PHF21A: variants seen among roughly 807,000 people sequenced by gnomAD.
The protein encoded by PHF21A is PHD finger protein 21A.
PHF21A carries 11 observed loss-of-function variants against 82.5 expected under a neutral mutation model. The ratio of observed to expected loss-of-function variants is 0.13; its 90% CI spans 0.08 to 0.22. PHF21A has a LOEUF of 0.22. Among genes scored for constraint, PHF21A ranks in the 10% least tolerant of loss-of-function variants. The pLI, the probability that PHF21A is intolerant of heterozygous loss-of-function variation, is 1.00. For synonymous variants in PHF21A, 297 were observed against 302.8 expected (o/e 0.98, Z 0.20); for missense variants, 579 against 837.8 (o/e 0.69, Z 3.81).
chr11:46,043,723 C>T (rs1296243534), intron 6 of PHF21A, among the ~76,000 whole-genome samples: 1 of 152,064 alleles, frequency 6.6e-6, no homozygotes, highest in African/African-American at 2.4e-5. Flanking sequence ...AGTCAAGAAG[C>T]AAACATTCCA....
At chr11:46,116,053 T>A (rs1404080688) in intron 1 of PHF21A, among the ~76,000 whole-genome samples, 1 of 152,192 alleles carries the variant, frequency 6.6e-6, no homozygotes, top group Non-Finnish European at 1.5e-5. Context: ...TTTAAGATAC[T>A]ATACCTTTTG....
intron 10 of PHF21A, among the ~76,000 whole-genome samples, chr11:45,955,651 C>T (rs1020230249): frequency 6.6e-6 from 1 of 151,926 alleles, no homozygotes; most frequent in Non-Finnish European, 1.5e-5. Context: ...AGAAAAAGTA[C>T]AATTATCTCA....
chr11:46,066,174 T>C (rs1048960960), intron 6 of PHF21A, among the ~76,000 whole-genome samples: 12 of 152,224 alleles, frequency 7.9e-5, no homozygotes, highest in Non-Finnish European at 1.6e-4. Flanking sequence ...TCTATGCTGT[T>C]AGAGGTAACA....
chr11:45,959,409 A>G (rs1183968678), intron 10 of PHF21A, among the ~76,000 whole-genome samples: 2 of 152,244 alleles, frequency 1.3e-5, no homozygotes, highest in Non-Finnish European at 2.9e-5. Flanking sequence ...AATTTCCTTG[A>G]CTTTATAAAA....
intron 6 of PHF21A, among the ~76,000 whole-genome samples, chr11:46,037,791 C>T (rs972655903): frequency 3.3e-5 from 5 of 152,086 alleles, no homozygotes; most frequent in African/African-American, 1.2e-4. Flanking sequence ...ATTTTAGCAA[C>T]AGTATGAATC....
intron 6 of PHF21A, among the ~76,000 whole-genome samples, chr11:46,048,918 G>C (rs2096299781): frequency 6.6e-6 from 1 of 152,118 alleles, no homozygotes; most frequent in Admixed American, 6.5e-5. Flanking sequence ...TGTTTTTCAA[G>C]TGGCTGTAAC....
At chr11:45,991,826 T>C (rs146151805) in intron 6 of PHF21A, among the ~76,000 whole-genome samples, 248 of 152,296 alleles carry the variant, frequency 1.6e-3, no homozygotes, top group African/African-American at 5.2e-3. Flanking sequence ...TTTACCTCTA[T>C]AGCACTGCAC....
chr11:45,980,883 T>C (rs764827710), intron 6 of PHF21A, among the ~76,000 whole-genome samples: 1 of 152,214 alleles, frequency 6.6e-6, no homozygotes, highest in African/African-American at 2.4e-5. Flanking sequence ...ACAGGTTCTG[T>C]GGCGGTACAC....
At chr11:46,040,446 T>C (rs2096109303) in intron 6 of PHF21A, among the ~76,000 whole-genome samples, 1 of 152,074 alleles carries the variant, frequency 6.6e-6, no homozygotes, top group African/African-American at 2.4e-5. Context: ...GAAGAGAAAA[T>C]GTCTGAATAG....
At position 45,936,578 on chromosome 11, in the gene PHF21A, A is replaced by AT; in HGVS notation, c.1609-10dup. 6.3e-7 allele frequency: 1 copy of AT among 1,594,392 alleles called. No individual in the cohort carries two copies. Among genetic ancestry groups the AT allele is most frequent in the Non-Finnish European group, 8.6e-7 (1 of 1,162,258 alleles). On this transcript the variant is annotated splice_polypyrimidine_tract_variant and intron_variant, in intron 16 of 18. Transcript: ENST00000676320. Reference sequence around the variant, plus strand: ...TCTTCCTTCTTCAGCATCTGAAAAGATTTTTAGAATTTTACCTTGAGAAGG... The same window carrying AT: ...TCTTCCTTCTTCAGCATCTGAAAAGATTTTTTAGAATTTTACCTTGAGAAGG...
chr11:45,956,540 G>A (rs1415780748), intron 10 of PHF21A, among the ~76,000 whole-genome samples: 2 of 152,004 alleles, frequency 1.3e-5, no homozygotes, highest in East Asian at 1.9e-4. Flanking sequence ...ATTGCATGAC[G>A]CTGAGATTGG....
chr11:46,056,692 A>C (rs1413203042), intron 6 of PHF21A, among the ~76,000 whole-genome samples: 1 of 152,148 alleles, frequency 6.6e-6, no homozygotes, highest in East Asian at 1.9e-4. Flanking sequence ...CCAATCAATG[A>C]ATCAGGATTT....
intron 18 of PHF21A, 42 bp downstream of exon 18, chr11:45,935,594 T>C (rs1565137785): frequency 6.2e-6 from 6 of 960,044 alleles, no homozygotes; most frequent in Admixed American, 1.8e-5. Flanking sequence ...CCTAGGTCTC[T>C]GCACCTATGT....
chr11:45,984,282 C>T (rs2094418098), intron 6 of PHF21A, among the ~76,000 whole-genome samples: 1 of 152,198 alleles, frequency 6.6e-6, no homozygotes, highest in Non-Finnish European at 1.5e-5. Context: ...GCCAACATGC[C>T]AGGCCTCCAG....
chr11:46,060,532 C>T (rs59768591), intron 6 of PHF21A, among the ~76,000 whole-genome samples: 67 of 152,262 alleles, frequency 4.4e-4, no homozygotes, highest in African/African-American at 1.6e-3. Context: ...TAAATTCTAA[C>T]CACTCATTGT....
chr11:45,961,849 C>T (rs2093102726), intron 10 of PHF21A, among the ~76,000 whole-genome samples: 1 of 152,222 alleles, frequency 6.6e-6, no homozygotes, highest in South Asian at 2.1e-4. Flanking sequence ...GCTTCATCTA[C>T]TTTTCTGTCT....
intron 6 of PHF21A, among the ~76,000 whole-genome samples, chr11:46,000,878 C>T (rs1344017326): frequency 1.3e-5 from 2 of 151,970 alleles, no homozygotes; most frequent in African/African-American, 4.8e-5. Context: ...CAAGATCGCA[C>T]CATTGCACTC....
At chr11:46,037,318 C>T (rs1038486410) in intron 6 of PHF21A, among the ~76,000 whole-genome samples, 1 of 152,152 alleles carries the variant, frequency 6.6e-6, no homozygotes, top group Non-Finnish European at 1.5e-5. Flanking sequence ...AAATTCCATT[C>T]TCTTCTAGCC....
rs147006277 is a variant in PHF21A, at chr11:46,038,525, C to G, written c.153+38229G>C. Among the ~76,000 whole-genome samples, 544 of 152,196 alleles carry G rather than the reference C, an allele frequency of 3.6e-3. 4 individuals are homozygous for G. Among genetic ancestry groups the G allele is most frequent in the Middle Eastern group, 0.01 (3 of 294 alleles). On this transcript the variant is annotated intron_variant, in intron 6 of 18. Transcript: ENST00000676320. ...GTAAAGGAGTCAGTTGTGTGATTAT[C>G]TTTATTAGTTTACTGTTGTTTATGA...
Sources: allele counts gnomAD v4.1 joint callset (sites outside exome capture counted in the v4.1 genomes callset), GRCh38; gene constraint gnomAD v4.1.1; transcripts MANE v1.5; gene names NCBI Gene and HGNC (gene_info 2026-07-23, HGNC 2026-07-21).